Variants in CSMD1 observed in about 807,000 individuals in gnomAD.
CSMD1 encodes the protein CUB and sushi domain-containing protein 1.
A neutral mutation model predicts 417.5 loss-of-function variants in CSMD1; 213 were observed. The observed-to-expected ratio is 0.51, with a 90% confidence interval of 0.46 to 0.57. CSMD1 has a LOEUF of 0.57. Among genes scored for constraint, CSMD1 ranks in the 20% least tolerant of loss-of-function variants. The probability of loss-of-function intolerance (pLI) is 0.00; values close to 1 mark genes in which losing one functional copy is unlikely to be tolerated. For synonymous variants in CSMD1, 2,862 were observed against 1,736.8 expected (o/e 1.65, Z -16.11); for missense variants, 6,923 against 4,529.7 (o/e 1.53, Z -15.17).
At chr8:4,215,435 G>C (rs917127441) in intron 3 of CSMD1, among the ~76,000 whole-genome samples, 2 of 152,016 alleles carry the variant, frequency 1.3e-5, no homozygotes, top group Non-Finnish European at 1.5e-5. Context: ...TAACACAAAA[G>C]ACTCAATGCT....
intron 1 of CSMD1, among the ~76,000 whole-genome samples, chr8:4,647,318 A>C (rs1393912896): frequency 7.5e-5 from 11 of 147,440 alleles, no homozygotes; most frequent in Non-Finnish European, 1.2e-4. Flanking sequence ...ATAGGTATAC[A>C]TGTGCCACGG....
intron 21 of CSMD1, among the ~76,000 whole-genome samples, chr8:3,358,209 T>C (rs1256921295): frequency 6.6e-6 from 1 of 152,204 alleles, no homozygotes; most frequent in Admixed American, 6.5e-5. Context: ...ATTAGTGTGG[T>C]TCGTATTCTG....
chr8:3,426,857 C>G (rs371493423), intron 12 of CSMD1, among the ~76,000 whole-genome samples: 3 of 152,276 alleles, frequency 2.0e-5, no homozygotes, highest in East Asian at 1.9e-4. Context: ...CTATAAGGAA[C>G]TGCTCAAGAC....
At chr8:3,807,206 A>C (rs1016449678) in intron 5 of CSMD1, among the ~76,000 whole-genome samples, 3 of 152,180 alleles carry the variant, frequency 2.0e-5, no homozygotes, top group African/African-American at 7.2e-5. Flanking sequence ...TTTCATGAAG[A>C]AGCCAGGACA....
chr8:4,174,029 T>C (rs1173303878), intron 3 of CSMD1, among the ~76,000 whole-genome samples: 1 of 152,164 alleles, frequency 6.6e-6, no homozygotes, highest in East Asian at 1.9e-4. Context: ...GCCAAGGGAA[T>C]GCCCTGAGTT....
At chr8:3,712,263 C>T (rs1009430505) in intron 6 of CSMD1, among the ~76,000 whole-genome samples, 1 of 152,076 alleles carries the variant, frequency 6.6e-6, no homozygotes, top group Non-Finnish European at 1.5e-5. Context: ...GACACTTCTC[C>T]CCACACGTTT....
intron 5 of CSMD1, among the ~76,000 whole-genome samples, chr8:3,922,700 G>A (rs945737703): frequency 1.4e-4 from 21 of 151,870 alleles, no homozygotes; most frequent in African/African-American, 4.8e-4. Flanking sequence ...TTATGTTGTT[G>A]ATATTACTAT....
At chr8:4,657,446 C>A (rs78010363) in intron 1 of CSMD1, among the ~76,000 whole-genome samples, 4,486 of 152,192 alleles carry the variant, frequency 0.029, 116 homozygotes, top group Non-Finnish European at 0.041. Flanking sequence ...CACTCACGCA[C>A]TCTTGGCATT....
intron 3 of CSMD1, among the ~76,000 whole-genome samples, chr8:4,359,155 C>A (rs920173017): frequency 1.3e-5 from 2 of 152,142 alleles, no homozygotes; most frequent in Non-Finnish European, 2.9e-5. Context: ...AGTTCGGTCA[C>A]TAATAAGTTA....
chr8:3,860,258 T>C (rs371410314), intron 5 of CSMD1, among the ~76,000 whole-genome samples: 10 of 152,220 alleles, frequency 6.6e-5, no homozygotes, highest in African/African-American at 1.9e-4. Flanking sequence ...AGTCAGACCA[T>C]TGTGAAGTTA....
chr8:4,191,372 GGCA>G lies in CSMD1; in HGVS notation c.416-159276_416-159274del, dbSNP rs530897940. 6.0e-3 allele frequency among the ~76,000 whole-genome samples: 907 copies of G among 151,942 alleles called. 9 individuals carry two copies. The highest frequency in any genetic ancestry group is 9.5e-3 in the Non-Finnish European group (647 of 67,976). ...GATCGCGCCACTGCACTCCAGCCTGGGCAACAGAGCAAGACTCTGTCTCAGAAA... is the reference window on the plus strand; with the variant it reads ...GATCGCGCCACTGCACTCCAGCCTGGACAGAGCAAGACTCTGTCTCAGAAA... On this transcript the variant is annotated intron_variant, in intron 3 of 69. Transcript: ENST00000635120.
Position 3,509,066 on chromosome 8 carries a change from A to G in CSMD1, c.1345-15340T>C, listed in dbSNP as rs189854906. 3.7e-3 allele frequency among the ~76,000 whole-genome samples: 569 copies of G among 152,310 alleles called. 2 individuals carry two copies. The highest frequency in any genetic ancestry group is 0.02 in the South Asian group (96 of 4,826). Reference sequence around the variant, plus strand: ...ACACTGTATCAGCGGTCCATGTGCCAGTTTCCTCCTCTTTACCTGGGGACA... The same window carrying G: ...ACACTGTATCAGCGGTCCATGTGCCGGTTTCCTCCTCTTTACCTGGGGACA... On this transcript the variant is annotated intron_variant, in intron 10 of 69. Transcript: ENST00000635120.
chr8:3,409,968 T>A (rs1812582331), intron 12 of CSMD1, among the ~76,000 whole-genome samples: 1 of 152,252 alleles, frequency 6.6e-6, no homozygotes, highest in Non-Finnish European at 1.5e-5. Context: ...AACTATGTGC[T>A]TTTTGCTATA....
chr8:4,265,457 C>G lies in CSMD1; in HGVS notation c.415+154496G>C, dbSNP rs552574475. ...AAAGTGTCCTCTAACTTAATTTGAC[C>G]TCGACTGTTATTGGTAAAAATAAAT... On this transcript the variant is annotated intron_variant, in intron 3 of 69. Transcript: ENST00000635120. Among the ~76,000 whole-genome samples the G allele has an allele frequency of 4.5e-3, 264 of 58,888 alleles. 39 individuals are homozygous for G. The highest frequency in any genetic ancestry group is 8.6e-3 in the African/African-American group (253 of 29,476). The allele number at this position is 58,888 out of a possible 152,430, so 38.6% of individuals were successfully genotyped here.
intron 5 of CSMD1, among the ~76,000 whole-genome samples, chr8:3,792,376 A>G (rs1333987714): frequency 1.3e-5 from 2 of 152,214 alleles, no homozygotes; most frequent in Non-Finnish European, 2.9e-5. Context: ...TCATTAATGT[A>G]GCCACTTCCT....
chr8:3,971,547 G>T (rs1248791599), intron 5 of CSMD1, among the ~76,000 whole-genome samples: 2 of 152,088 alleles, frequency 1.3e-5, no homozygotes, highest in South Asian at 2.1e-4. Context: ...AGCAGTCAAA[G>T]TCAATGAAAA....
intron 1 of CSMD1, among the ~76,000 whole-genome samples, chr8:4,654,207 A>G (rs966919706): frequency 4.6e-5 from 7 of 152,122 alleles, no homozygotes; most frequent in African/African-American, 1.7e-4. Flanking sequence ...GTCTGGATCT[A>G]GTAATCTCAA....
chr8:3,942,729 C>T (rs185918230), intron 5 of CSMD1, among the ~76,000 whole-genome samples: 1 of 152,082 alleles, frequency 6.6e-6, no homozygotes. Context: ...AACATACGCT[C>T]AAAATACTAA....
intron 2 of CSMD1, among the ~76,000 whole-genome samples, chr8:4,580,680 G>A (rs749507859): frequency 6.6e-6 from 1 of 152,024 alleles, no homozygotes; most frequent in African/African-American, 2.4e-5. Flanking sequence ...AATGCACCGC[G>A]TCTTCCAAGG....
Sources: allele counts gnomAD v4.1 joint callset (sites outside exome capture counted in the v4.1 genomes callset), GRCh38; gene constraint gnomAD v4.1.1; transcripts MANE v1.5; gene names NCBI Gene and HGNC (gene_info 2026-07-23, HGNC 2026-07-21).